Variants in SAMD12 observed in about 807,000 individuals in gnomAD.
SAMD12 encodes the protein sterile alpha motif domain containing 12, also known as sterile alpha motif domain-containing protein 12.
In SAMD12, 9 loss-of-function variants were observed where a neutral mutation model predicts 15.0. The observed-to-expected ratio is 0.60, with a 90% CI of 0.36 to 1.05. The LOEUF is 1.05. Ranked by LOEUF, SAMD12 falls within the 50% of genes least tolerant of loss-of-function variation. The probability of loss-of-function intolerance (pLI) is 0.01; values close to 1 mark genes in which losing one functional copy is unlikely to be tolerated. For synonymous variants in SAMD12, 86 were observed against 90.1 expected (o/e 0.96, Z 0.25); for missense variants, 230 against 234.2 (o/e 0.98, Z 0.12).
intron 2 of SAMD12, among the ~76,000 whole-genome samples, chr8:118,497,894 C>T (rs1431031461): frequency 6.6e-6 from 1 of 151,640 alleles, no homozygotes; most frequent in Non-Finnish European, 1.5e-5. Context: ...GTAAGAAATG[C>T]TAATGAAATC....
chr8:118,264,174 G>A (rs774096948), intron 4 of SAMD12, among the ~76,000 whole-genome samples: 34 of 152,020 alleles, frequency 2.2e-4, no homozygotes, highest in Non-Finnish European at 3.7e-4. Context: ...AACCATCCTT[G>A]TAGCTTTTGT....
intron 2 of SAMD12, among the ~76,000 whole-genome samples, chr8:118,465,002 A>G (rs543084458): frequency 1.3e-5 from 2 of 152,316 alleles, no homozygotes; most frequent in South Asian, 4.1e-4. Flanking sequence ...CATGGTTTTC[A>G]GTGCCTGGTC....
chr8:118,263,353 A>T (rs1447841233), intron 4 of SAMD12, among the ~76,000 whole-genome samples: 1 of 152,108 alleles, frequency 6.6e-6, no homozygotes, highest in Admixed American at 6.6e-5. Context: ...CAAATGTAGT[A>T]GAACAAAACT....
intron 4 of SAMD12, among the ~76,000 whole-genome samples, chr8:118,235,201 T>G (rs1586370335): frequency 6.6e-6 from 1 of 151,974 alleles, no homozygotes; most frequent in East Asian, 1.9e-4. Flanking sequence ...TTTAAATACA[T>G]ATGATTATTA....
At chr8:118,234,197 A>C (rs908590370) in intron 4 of SAMD12, among the ~76,000 whole-genome samples, 1 of 152,088 alleles carries the variant, frequency 6.6e-6, no homozygotes, top group Admixed American at 6.6e-5. Context: ...TACATGAAAA[A>C]GATTAAAACA....
the SAMD12 span, among the ~76,000 whole-genome samples, chr8:118,161,537 C>T: frequency 6.8e-6 from 1 of 146,860 alleles, no homozygotes; most frequent in African/African-American, 2.5e-5. Flanking sequence ...TGCAGTTCAG[C>T]CTTGCTGAAA....
At chr8:118,140,264 G>A in the SAMD12 span, among the ~76,000 whole-genome samples, 1 of 151,434 alleles carries the variant, frequency 6.6e-6, no homozygotes, top group Middle Eastern at 3.2e-3. Context: ...AGAAAACCAG[G>A]GAATTTGTCT....
chr8:118,394,800 A>T (rs375076351), intron 3 of SAMD12: 54 of 152,300 alleles, frequency 3.5e-4, no homozygotes, highest in African/African-American at 1.3e-3. Flanking sequence ...ATAGTGCTGG[A>T]GTTGGAAGAA....
At chr8:118,193,015 C>T (rs1388142227) in exon 5 of SAMD12, 4 of 152,122 alleles carry the variant, frequency 2.6e-5, no homozygotes, top group African/African-American at 7.2e-5. Context: ...GTCATTTTGC[C>T]GTTAGGCAGG....
intron 4 of SAMD12, among the ~76,000 whole-genome samples, chr8:118,225,789 G>C (rs1400555287): frequency 6.6e-6 from 1 of 152,164 alleles, no homozygotes; most frequent in South Asian, 2.1e-4. Flanking sequence ...CAAGCGCAGC[G>C]AGGATACTCA....
chr8:118,554,592 G>T (rs997305471), intron 2 of SAMD12, among the ~76,000 whole-genome samples: 4 of 151,422 alleles, frequency 2.6e-5, no homozygotes, highest in Non-Finnish European at 5.9e-5. Flanking sequence ...CGAGTTACTG[G>T]GTGCAGCGCA....
At chr8:118,528,783 A>G (rs538921834) in intron 2 of SAMD12, among the ~76,000 whole-genome samples, 1 of 152,222 alleles carries the variant, frequency 6.6e-6, no homozygotes, top group Non-Finnish European at 1.5e-5. Flanking sequence ...GAAGAAAGAA[A>G]TAACAGAGAT....
In SAMD12 at chr8:118,580,887, T is replaced by C. The variant is rs1374824531; in HGVS notation, c.20A>G (p.His7Arg). The C allele has an allele frequency of 6.2e-7, 1 of 1,606,434 alleles. No individual in the cohort carries two copies. The highest frequency in any genetic ancestry group is 1.3e-5 in the African/African-American group (1 of 74,308). The stretch of plus-strand genomic sequence containing the variant: ...AATACCCCGTGGATTCAAACCACAG[T>C]GGAGAGCTAGGAAAAAGCAACAAAT... MAVEAL[H>R]CGLNPRGIDH... The change falls in exon 2 of 4, where the codon CAC becomes CGC. Residue 7 changes from histidine (H) to arginine (R), a missense_variant. Transcript: ENST00000314727.
At chr8:118,212,453 T>C (rs1037257072) in intron 4 of SAMD12, among the ~76,000 whole-genome samples, 1 of 152,230 alleles carries the variant, frequency 6.6e-6, no homozygotes, top group African/African-American at 2.4e-5. Context: ...AACTTGACAA[T>C]TTCTATGCCT....
intron 3 of SAMD12, among the ~76,000 whole-genome samples, chr8:118,404,759 T>G (rs1821044297): frequency 6.6e-6 from 1 of 152,204 alleles, no homozygotes; most frequent in Admixed American, 6.5e-5. Context: ...CATCTGGGGA[T>G]TTTACTTAGA....
intron 2 of SAMD12, among the ~76,000 whole-genome samples, chr8:118,542,314 T>C (rs1172133988): frequency 6.6e-6 from 1 of 152,206 alleles, no homozygotes; most frequent in East Asian, 1.9e-4. Context: ...AATAGATACA[T>C]CTATTTCCAT....
intron 1 of SAMD12, among the ~76,000 whole-genome samples, chr8:118,611,155 A>G (rs1335474671): frequency 2.0e-5 from 3 of 152,210 alleles, no homozygotes; most frequent in African/African-American, 7.2e-5. Context: ...TCTTCTACCT[A>G]GCATATAGTA....
At chr8:118,619,836 T>C (rs1433148450) in intron 1 of SAMD12, among the ~76,000 whole-genome samples, 1 of 152,094 alleles carries the variant, frequency 6.6e-6, no homozygotes, top group African/African-American at 2.4e-5. Flanking sequence ...CCAGAGGAAG[T>C]GACATTTTCC....
intron 2 of SAMD12, among the ~76,000 whole-genome samples, chr8:118,548,145 G>T (rs1448202540): frequency 6.6e-6 from 1 of 152,122 alleles, no homozygotes; most frequent in Non-Finnish European, 1.5e-5. Context: ...AGCATCCAGG[G>T]CCTCAAGTTC....
Sources: allele counts gnomAD v4.1 joint callset (sites outside exome capture counted in the v4.1 genomes callset), GRCh38; gene constraint gnomAD v4.1.1; transcripts MANE v1.5; gene names NCBI Gene and HGNC (gene_info 2026-07-23, HGNC 2026-07-21).